FRMD1: variants seen among roughly 807,000 people sequenced by gnomAD.
FRMD1 encodes the protein FERM domain containing 1.
In FRMD1, 51 loss-of-function variants were observed where a neutral mutation model predicts 54.9. The ratio of observed to expected loss-of-function variants is 0.93; its 90% CI spans 0.74 to 1.17. The LOEUF is 1.17. Ranked by LOEUF, FRMD1 falls within the 50% of genes most tolerant of loss-of-function variation. FRMD1 has a pLI of 0.00. For synonymous variants in FRMD1, 324 were observed against 306.4 expected, an observed-to-expected ratio of 1.06 and a Z score of -0.60; for missense variants, 729 against 743.0, an observed-to-expected ratio of 0.98 and a Z score of 0.22.
rs954442560 is a variant in FRMD1 at position 168,063,598 on chromosome 6, G to C, written c.804+3C>G. 1.2e-6 allele frequency: 2 copies of C among 1,608,286 alleles called. No homozygotes were observed. Among genetic ancestry groups the C allele is most frequent in the East Asian group, 2.2e-5 (1 of 44,788 alleles). ...GCCCATCGCTGGCCGCCCTGGGCTC[G>C]ACCTTGTGCAGCCTGAAGAAGTGCA... On this transcript the variant is annotated splice_donor_region_variant and intron_variant, in intron 6 of 10. Coordinates refer to ENST00000283309, the MANE Select transcript of FRMD1 (RefSeq NM_024919.6).
chr6:168,063,897 G>T (rs1799892483), intron 5 of FRMD1, 141 bp from the exon 6 acceptor site: 1 of 953,028 alleles, frequency 1.0e-6, no homozygotes, highest in Non-Finnish European at 1.5e-6. Flanking sequence ...TGGCTGCTGA[G>T]CCCAGAACCA....
chr6:168,062,001 G>T lies in FRMD1; in HGVS notation c.871-20C>A, dbSNP rs1400010494. 2 of 1,577,580 alleles carry T rather than the reference G, an allele frequency of 1.3e-6. No individual in the cohort carries two copies. Among genetic ancestry groups the T allele is most frequent in the Non-Finnish European group, 1.7e-6 (2 of 1,160,082 alleles). On this transcript the variant is annotated intron_variant, in intron 7 of 10. Transcript: ENST00000283309. ...CTTTCCCTGAGCAAACAGGAGAGAAGTTGCCACTCCACAGGTGGAAAACCA... is the reference window on the plus strand; with the variant it reads ...CTTTCCCTGAGCAAACAGGAGAGAATTTGCCACTCCACAGGTGGAAAACCA...
chr6:168,070,589 C>T (rs1270954471), intron 2 of FRMD1, among the ~76,000 whole-genome samples: 1 of 150,842 alleles, frequency 6.6e-6, no homozygotes, highest in Non-Finnish European at 1.5e-5. Context: ...CTCCAGCCTG[C>T]CCTGCAGATT....
intron 2 of FRMD1, among the ~76,000 whole-genome samples, chr6:168,073,039 A>G (rs1800386944): frequency 6.6e-6 from 1 of 152,210 alleles, no homozygotes; most frequent in Admixed American, 6.5e-5. Context: ...ACAGGGTGGC[A>G]TGAATGGCAG....
At chr6:168,085,726 G>T (rs941600054), upstream of FRMD1, among the ~76,000 whole-genome samples, 24 of 148,600 alleles carry the variant, frequency 1.6e-4, no homozygotes, top group Non-Finnish European at 3.3e-4. Context: ...GCCTTCCATG[G>T]CTCCCTATCG....
chr6:168,057,122 G>A lies in FRMD1; in HGVS notation c.1625C>T (p.Ala542Val), dbSNP rs778629514. ...CTACACCACAAACTCCTGTGGTGGAGCCTCTCCGAACAGGTCCAGGGCGAG... is the reference window on the plus strand; with the variant it reads ...CTACACCACAAACTCCTGTGGTGGAACCTCTCCGAACAGGTCCAGGGCGAG... ...NCLALDLFGE[A>V]PPQEFVV Residue 542 changes from alanine to valine, a missense_variant, in exon 11 of 11, where the codon GCT becomes GTT. By Grantham distance (64) the Ala-to-Val change is moderately conservative (BLOSUM62 0). Coordinates refer to ENST00000283309, the MANE Select transcript of FRMD1 (RefSeq NM_024919.6). 6.7e-7 allele frequency: 1 copy of A among 1,498,024 alleles called. No homozygotes were observed. The highest frequency in any genetic ancestry group is 8.9e-7 in the Non-Finnish European group (1 of 1,119,864). The allele number at this position is 1,498,024 out of a possible 1,614,324, so 92.8% of individuals were successfully genotyped here.
chr6:168,070,749 C>G (rs887685510), intron 2 of FRMD1, among the ~76,000 whole-genome samples: 6 of 152,184 alleles, frequency 3.9e-5, no homozygotes, highest in African/African-American at 1.4e-4. Flanking sequence ...CATACACATA[C>G]GCATACATCT....
In FRMD1 at chr6:168,060,752, C is replaced by T. The variant is rs769517575; in HGVS notation, c.1342+9G>A. 8.7e-6 allele frequency: 14 copies of T among 1,602,466 alleles called. No individual in the cohort carries two copies. The highest frequency in any genetic ancestry group is 3.3e-5 in the Admixed American group (2 of 59,800). ...GTCCCTGAGGCCTGGGCATCTCCCT[C>T]GGGCCCACCTTGGCTGTCACCACGT... On this transcript the variant is annotated intron_variant, in intron 9 of 10. Transcript: ENST00000283309.
At chr6:168,080,452 A>G (rs1229027791), upstream of FRMD1, among the ~76,000 whole-genome samples, 4 of 39,132 alleles carry the variant, frequency 1.0e-4, no homozygotes, top group Non-Finnish European at 2.6e-4. Context: ...ATGGCAAAAA[A>G]ACCACAAAAA....
rs1311445937 is a variant in FRMD1, at chr6:168,071,045, C to A, written c.305-3599G>T. 3.3e-5 allele frequency among the ~76,000 whole-genome samples: 5 copies of A among 152,210 alleles called. 1 individual carries two copies. The highest frequency in any genetic ancestry group is 7.2e-5 in the African/African-American group (3 of 41,456). On this transcript the variant is annotated intron_variant, in intron 2 of 10. Coordinates refer to ENST00000283309, the MANE Select transcript of FRMD1 (RefSeq NM_024919.6). ...TGAACAAAAGGCCTGAACTTCCCCACTGTGCCCTGCTACCCTTGACACTGG... is the reference window on the plus strand; with the variant it reads ...TGAACAAAAGGCCTGAACTTCCCCAATGTGCCCTGCTACCCTTGACACTGG...
intron 4 of FRMD1, chr6:168,066,033 A>AC: frequency 1.0e-6 from 1 of 999,988 alleles, no homozygotes; most frequent in Non-Finnish European, 1.2e-6. Context: ...TGTACAACTT[A>AC]CCCACTCCTG....
chr6:168,065,224 G>A (rs370859719), intron 4 of FRMD1, 167 bp from the exon 5 acceptor site: 101 of 1,410,900 alleles, frequency 7.2e-5, no homozygotes, highest in Admixed American at 2.7e-4. Context: ...GGGCCAGCAC[G>A]GCACAGGCCC....
At position 168,057,750 on chromosome 6, in the gene FRMD1, A is replaced by C. The variant is rs1328757592; in HGVS notation, c.1408-411T>G. Reference sequence around the variant, plus strand: ...TGTCTGGGTTCAGAGGTGACTGTCCAAGGTCCCGTCCAGGTGGGCGGCCAG... The same window carrying C: ...TGTCTGGGTTCAGAGGTGACTGTCCCAGGTCCCGTCCAGGTGGGCGGCCAG... On this transcript the variant is annotated intron_variant, in intron 10 of 10. Coordinates refer to ENST00000283309, the MANE Select transcript of FRMD1 (RefSeq NM_024919.6). 1.5e-5 allele frequency: 3 copies of C among 194,276 alleles called. No homozygotes were observed. In the Admixed American group the frequency reaches 1.6e-4, roughly 11 times the overall value. The allele number at this position is 194,276 out of a possible 1,614,324, so 12.0% of individuals were successfully genotyped here. A position where few individuals can be genotyped will look rare whatever the true frequency, so the allele number is the denominator to read the frequency against.
intron 1 of FRMD1, among the ~76,000 whole-genome samples, chr6:168,087,900 C>A (rs984879742): frequency 6.6e-6 from 1 of 152,202 alleles, no homozygotes; most frequent in African/African-American, 2.4e-5. Context: ...GCTTCCAACC[C>A]TGGCCCCAGA....
chr6:168,059,138 C>G lies in FRMD1; in HGVS notation c.1393G>C (p.Glu465Gln). ...TQVRTRGQSA[E>Q]AVHQIQEMTA... ...GGGGACTCTACCTGGTGCACGGCCT[C>G]GGCGCTCTGGCCTCTGGTCCTGACC... is the stretch of plus-strand genomic sequence containing the variant. Residue 465 changes from glutamate to glutamine, a missense_variant, in exon 10 of 11, where the codon GAG (glutamate) becomes CAG (glutamine). By Grantham distance (29) the Glu-to-Gln change is conservative. Coordinates refer to ENST00000283309, the MANE Select transcript of FRMD1 (RefSeq NM_024919.6). This position sits in a 1 kb window ranked among gnomAD's most constrained non-coding sequence, Gnocchi z 4.4. The G allele has an allele frequency of 6.3e-7, 1 of 1,579,364 alleles. No individual in the cohort carries two copies. Among genetic ancestry groups the G allele is most frequent in the Non-Finnish European group, 8.6e-7 (1 of 1,166,870 alleles).
intron 10 of FRMD1, 104 bp from the exon 11 acceptor site, chr6:168,057,443 A>G (rs1364373134): frequency 7.2e-6 from 11 of 1,518,798 alleles, no homozygotes; most frequent in Non-Finnish European, 7.1e-6. Flanking sequence ...CTCCCTGCCA[A>G]TGCCCACCCT....
chr6:168,081,395 C>T (rs914597876), upstream of FRMD1: 3 of 1,535,330 alleles, frequency 2.0e-6, no homozygotes, highest in African/African-American at 1.4e-5. Context: ...AGAGGCTGGC[C>T]TGCCACGTTC....
In FRMD1 at chr6:168,078,908, G is replaced by A. The variant is rs199611913; in HGVS notation, c.187C>T (p.Arg63Trp). Reference sequence around the variant, plus strand: ...CCCACGGCCAGCCGCAGTTGCTCCCGGCTGGGCAGCAGCACGAGGACATCC... The same window carrying A: ...CCCACGGCCAGCCGCAGTTGCTCCCAGCTGGGCAGCAGCACGAGGACATCC... ...HRDVLVLLPS[R>W]EQLRLAVGVK... Residue 63 changes from arginine to tryptophan, a missense_variant, in exon 1 of 11, where the codon CGG becomes TGG. By Grantham distance (101) the Arg-to-Trp change is moderately radical. Transcript: ENST00000283309. 3.2e-4 allele frequency: 511 copies of A among 1,598,684 alleles called. 3 individuals are homozygous for A. In the Middle Eastern group the frequency reaches 3.5e-3, roughly 11 times the overall value.
chr6:168,091,889 C>T (rs997591049), intron 1 of FRMD1, among the ~76,000 whole-genome samples: 3 of 120,958 alleles, frequency 2.5e-5, no homozygotes, highest in Admixed American at 1.5e-4. Context: ...CCACTCACTC[C>T]GGATCAGGTG....
Sources: allele counts gnomAD v4.1 joint callset (sites outside exome capture counted in the v4.1 genomes callset), GRCh38; gene constraint gnomAD v4.1.1; non-coding constraint Gnocchi (gnomAD v3.1); transcripts MANE v1.5; gene names NCBI Gene and HGNC (gene_info 2026-07-23, HGNC 2026-07-21).